Variants in VWA8 observed in about 807,000 individuals in gnomAD.
The protein encoded by VWA8 is von Willebrand factor A domain containing 8.
Under a neutral mutation model 241.5 loss-of-function variants are expected in VWA8, and 221 were observed. The ratio of observed to expected loss-of-function variants is 0.91; its 90% confidence interval spans 0.82 to 1.02. The LOEUF (loss-of-function observed/expected upper bound fraction) is 1.02, where lower values mean the gene tolerates loss of function less well. VWA8 is among the 50% of genes least tolerant of loss of function. VWA8 has a pLI of 0.00. For synonymous variants in VWA8, 852 were observed against 827.1 expected, an observed-to-expected ratio of 1.03 and a Z score of -0.52; for missense variants, 2,322 against 2,328.7, an observed-to-expected ratio of 1.00 and a Z score of 0.06.
chr13:41,938,625 TG>T (rs1227760701), intron 2 of VWA8, among the ~76,000 whole-genome samples: 1 of 151,254 alleles, frequency 6.6e-6, no homozygotes, highest in African/African-American at 2.4e-5. Flanking sequence ...CACTCCAGCC[TG>T]AGTGACAGAG....
At chr13:41,787,868 C>A (rs1869277610) in intron 17 of VWA8, among the ~76,000 whole-genome samples, 1 of 152,072 alleles carries the variant, frequency 6.6e-6, no homozygotes, top group Non-Finnish European at 1.5e-5. Flanking sequence ...ACTGGCTTAT[C>A]AAATTTTCTT....
chr13:41,738,749 AAGAC>A (rs1593733424), intron 21 of VWA8, among the ~76,000 whole-genome samples: 1 of 152,206 alleles, frequency 6.6e-6, no homozygotes, highest in African/African-American at 2.4e-5. Flanking sequence ...AATAAAAAGA[AAGAC>A]AGTGTGCAGG....
intron 37 of VWA8, among the ~76,000 whole-genome samples, chr13:41,637,961 T>C (rs1035780355): frequency 1.8e-4 from 28 of 152,240 alleles, no homozygotes; most frequent in African/African-American, 6.8e-4. Flanking sequence ...CTACCACTTA[T>C]GATCTATGAA....
intron 26 of VWA8, among the ~76,000 whole-genome samples, chr13:41,707,438 T>A (rs2045289722): frequency 6.6e-6 from 1 of 152,218 alleles, no homozygotes; most frequent in African/African-American, 2.4e-5. Context: ...AAACATTTCC[T>A]TACCACAAGA....
intron 21 of VWA8, among the ~76,000 whole-genome samples, chr13:41,732,583 A>G (rs1395467306): frequency 1.3e-5 from 2 of 151,966 alleles, no homozygotes; most frequent in Non-Finnish European, 2.9e-5. Flanking sequence ...TGGACAATTA[A>G]AGCAAATCTA....
chr13:41,925,107 T>G (rs2138132440), intron 2 of VWA8, among the ~76,000 whole-genome samples: 1 of 152,248 alleles, frequency 6.6e-6, no homozygotes, highest in South Asian at 2.1e-4. Flanking sequence ...TGGAATAATA[T>G]ATTCAAAGTA....
At chr13:41,822,795 TAC>T (rs1220084103) in intron 14 of VWA8, among the ~76,000 whole-genome samples, 2 of 152,264 alleles carry the variant, frequency 1.3e-5, no homozygotes, top group East Asian at 3.9e-4. Flanking sequence ...ACTATCAATG[TAC>T]ATAACAACAT....
chr13:41,936,330 C>T (rs1020250219), intron 2 of VWA8, among the ~76,000 whole-genome samples: 1 of 152,044 alleles, frequency 6.6e-6, no homozygotes, highest in Non-Finnish European at 1.5e-5. Flanking sequence ...TTTGAATTTC[C>T]TCTTTTATGT....
intron 37 of VWA8, among the ~76,000 whole-genome samples, chr13:41,628,574 G>A (rs866750340): frequency 3.9e-5 from 6 of 152,194 alleles, no homozygotes; most frequent in African/African-American, 7.2e-5. Flanking sequence ...TGTGGTACCT[G>A]TACACCCTGG....
intron 20 of VWA8, among the ~76,000 whole-genome samples, chr13:41,765,006 C>T (rs1002483018): frequency 1.6e-4 from 25 of 151,750 alleles, no homozygotes; most frequent in African/African-American, 6.0e-4. Flanking sequence ...GTCTAAACTA[C>T]GGGATAGAGA....
chr13:41,862,443 G>A (rs1354613462), intron 12 of VWA8, among the ~76,000 whole-genome samples: 1 of 152,146 alleles, frequency 6.6e-6, no homozygotes, highest in African/African-American at 2.4e-5. Flanking sequence ...AAATTGACAA[G>A]TGAGACCTAA....
intron 24 of VWA8, 72 bp from the exon 25 acceptor site, chr13:41,721,647 G>A: frequency 1.4e-6 from 2 of 1,472,962 alleles, no homozygotes; most frequent in Non-Finnish European, 1.8e-6. Flanking sequence ...AAATGGAATG[G>A]TTGTTTAAAG....
At chr13:41,845,214 A>G (rs1482988336) in intron 12 of VWA8, among the ~76,000 whole-genome samples, 1 of 152,190 alleles carries the variant, frequency 6.6e-6, no homozygotes, top group African/African-American at 2.4e-5. Flanking sequence ...ATCACTAATC[A>G]TTAGAGAAAT....
intron 37 of VWA8, among the ~76,000 whole-genome samples, chr13:41,645,083 C>T (rs1420452641): frequency 5.9e-5 from 9 of 152,224 alleles, no homozygotes; most frequent in South Asian, 4.2e-4. Context: ...ACTTATTAAC[C>T]GTGTAAGGCA....
chr13:41,829,530 T>TACACACAC (rs71096546), intron 14 of VWA8, among the ~76,000 whole-genome samples: 1,738 of 139,784 alleles, frequency 0.012, 19 homozygotes, highest in East Asian at 0.022. Context: ...GGAAATGTGA[T>TACACACAC]ACACACACAC....
chr13:41,571,316 T>TCTCCCTC (rs1566370835), intron 43 of VWA8, among the ~76,000 whole-genome samples: 17 of 131,634 alleles, frequency 1.3e-4, no homozygotes, highest in African/African-American at 3.1e-4. Context: ...CCCTCCTCCC[T>TCTCCCTC]CTCCCTCTCC....
chr13:41,568,586 CT>C (rs1464884751), intron 44 of VWA8, among the ~76,000 whole-genome samples: 1 of 152,198 alleles, frequency 6.6e-6, no homozygotes, highest in Non-Finnish European at 1.5e-5. Context: ...CCTTTCTTTA[CT>C]GCCATTTCTT....
At chr13:41,954,225 T>C (rs1439421473) in intron 1 of VWA8, among the ~76,000 whole-genome samples, 2 of 151,752 alleles carry the variant, frequency 1.3e-5, no homozygotes, top group Non-Finnish European at 2.9e-5. Context: ...TCAAACACCA[T>C]ATACAACTAA....
intron 14 of VWA8, among the ~76,000 whole-genome samples, chr13:41,827,254 C>G (rs957074400): frequency 6.6e-6 from 1 of 152,056 alleles, no homozygotes; most frequent in African/African-American, 2.4e-5. Context: ...AAGTTCTAAA[C>G]AAAATTATTA....
Sources: allele counts gnomAD v4.1 joint callset (sites outside exome capture counted in the v4.1 genomes callset), GRCh38; gene constraint gnomAD v4.1.1; transcripts MANE v1.5; gene names NCBI Gene and HGNC (gene_info 2026-07-23, HGNC 2026-07-21).